The following FRMD4A variants were observed in gnomAD, a reference collection of about 807,000 sequenced individuals.
The protein encoded by FRMD4A is FERM domain containing 4A.
A neutral mutation model predicts 129.1 loss-of-function variants in FRMD4A; 29 were observed. The observed-to-expected ratio is 0.22, with a 90% CI of 0.17 to 0.31. The LOEUF (loss-of-function observed/expected upper bound fraction) is 0.31. FRMD4A is among the 10% of genes least tolerant of loss of function. FRMD4A has a pLI of 1.00. For synonymous variants in FRMD4A, 634 were observed against 571.6 expected (o/e 1.11, Z -1.56); for missense variants, 1,272 against 1,375.8 (o/e 0.92, Z 1.19).
intron 3 of FRMD4A, among the ~76,000 whole-genome samples, chr10:13,825,207 C>T (rs2093683995): frequency 6.6e-6 from 1 of 152,190 alleles, no homozygotes; most frequent in Non-Finnish European, 1.5e-5. Context: ...ACTACACTTG[C>T]ACTTTGAGGC....
At chr10:13,833,392 G>A (rs1488283425) in intron 3 of FRMD4A, among the ~76,000 whole-genome samples, 3 of 152,168 alleles carry the variant, frequency 2.0e-5, no homozygotes, top group Non-Finnish European at 4.4e-5. Flanking sequence ...CCGTCCCCAG[G>A]ATGCAATTAT....
chr10:13,768,933 G>A (rs1420552873), intron 6 of FRMD4A, among the ~76,000 whole-genome samples: 1 of 150,458 alleles, frequency 6.6e-6, no homozygotes, highest in Non-Finnish European at 1.5e-5. Flanking sequence ...GAACTCCACA[G>A]TTTTGCCTTT....
At chr10:13,659,298 G>C in intron 21 of FRMD4A, 25 bp downstream of exon 21, 2 of 1,607,358 alleles carry the variant, frequency 1.2e-6, no homozygotes, top group Non-Finnish European at 1.7e-6. Flanking sequence ...GGCTTGGTCT[G>C]AGCAGGAAGG....
intron 2 of FRMD4A, among the ~76,000 whole-genome samples, chr10:14,127,974 CTTTCCT>C (rs570733956): frequency 0.35 from 20,105 of 57,956 alleles, 3,122 homozygotes; most frequent in Non-Finnish European, 0.37. Flanking sequence ...TTCTTTCTTT[CTTTCCT>C]TCTCTCTCTC....
intron 2 of FRMD4A, among the ~76,000 whole-genome samples, chr10:14,069,638 A>G (rs1004492117): frequency 3.9e-5 from 6 of 152,158 alleles, no homozygotes; most frequent in African/African-American, 1.4e-4. Context: ...TTTAAAATAT[A>G]TATTTTCTGA....
intron 15 of FRMD4A, chr10:13,692,771 T>C (rs10752322): frequency 0.71 from 108,529 of 152,238 alleles, 41,209 homozygotes; most frequent in Non-Finnish European, 0.83. Context: ...TATATAGTAA[T>C]ATAAATTACC....
At chr10:13,977,696 T>G (rs2095546811) in intron 2 of FRMD4A, among the ~76,000 whole-genome samples, 1 of 152,234 alleles carries the variant, frequency 6.6e-6, no homozygotes, top group Non-Finnish European at 1.5e-5. Context: ...ACTGGCAGCC[T>G]TTAGTCTCCT....
intron 2 of FRMD4A, among the ~76,000 whole-genome samples, chr10:14,306,159 T>G (rs1218482): frequency 6.6e-6 from 1 of 152,030 alleles, no homozygotes; most frequent in African/African-American, 2.4e-5. Context: ...AAATTTAAAG[T>G]GGGGAAATCT....
chr10:14,301,522 T>G (rs1043071182), intron 2 of FRMD4A, among the ~76,000 whole-genome samples: 2 of 152,204 alleles, frequency 1.3e-5, no homozygotes, highest in Admixed American at 6.5e-5. Context: ...TTAATAGCAA[T>G]AATTGTTTTC....
At chr10:14,074,130 A>G (rs2131720687) in intron 2 of FRMD4A, among the ~76,000 whole-genome samples, 1 of 152,290 alleles carries the variant, frequency 6.6e-6, no homozygotes, top group South Asian at 2.1e-4. Context: ...TTTTTGTTTC[A>G]TATGTAGTAC....
At chr10:13,678,714 T>C (rs539676067) in intron 15 of FRMD4A, among the ~76,000 whole-genome samples, 115 of 152,368 alleles carry the variant, frequency 7.5e-4, no homozygotes, top group African/African-American at 2.5e-3. Flanking sequence ...CAATTCAGTG[T>C]AACACTTGAG....
chr10:14,293,812 C>G (rs983498007), intron 2 of FRMD4A, among the ~76,000 whole-genome samples: 2 of 152,170 alleles, frequency 1.3e-5, no homozygotes, highest in African/African-American at 2.4e-5. Flanking sequence ...TGTTGTCACA[C>G]TCGTGAAAAT....
At chr10:13,718,922 C>A (rs1480307284) in intron 12 of FRMD4A, among the ~76,000 whole-genome samples, 1 of 152,186 alleles carries the variant, frequency 6.6e-6, no homozygotes, top group Non-Finnish European at 1.5e-5. Flanking sequence ...TTTCCTGGCA[C>A]CTAGCATGTA....
At chr10:14,292,429 A>G (rs1398296511) in intron 2 of FRMD4A, among the ~76,000 whole-genome samples, 1 of 152,244 alleles carries the variant, frequency 6.6e-6, no homozygotes, top group Non-Finnish European at 1.5e-5. Flanking sequence ...ACATCATTCC[A>G]AATGCAAAAA....
At chr10:14,107,427 G>A (rs529729185) in intron 2 of FRMD4A, among the ~76,000 whole-genome samples, 12 of 152,254 alleles carry the variant, frequency 7.9e-5, no homozygotes, top group East Asian at 1.9e-4. Flanking sequence ...GCCATCAACC[G>A]ATGTATATTT....
At chr10:13,931,523 C>A (rs1038979626) in intron 2 of FRMD4A, among the ~76,000 whole-genome samples, 1 of 152,158 alleles carries the variant, frequency 6.6e-6, no homozygotes, top group Non-Finnish European at 1.5e-5. Flanking sequence ...CAGGAAAGAC[C>A]TTCCTGACTC....
chr10:14,223,305 G>A (rs767520892), intron 2 of FRMD4A, among the ~76,000 whole-genome samples: 8 of 152,288 alleles, frequency 5.3e-5, no homozygotes, highest in Admixed American at 1.3e-4. Flanking sequence ...TGTGAGCAAG[G>A]AGAAAATTCT....
chr10:14,076,140 C>T (rs1332286219), intron 2 of FRMD4A, among the ~76,000 whole-genome samples: 1 of 152,142 alleles, frequency 6.6e-6, no homozygotes, highest in Admixed American at 6.6e-5. Context: ...TGTTCATTTG[C>T]CCAGTGTGTG....
At chr10:13,979,950 C>T (rs185007831) in intron 2 of FRMD4A, among the ~76,000 whole-genome samples, 3 of 152,244 alleles carry the variant, frequency 2.0e-5, no homozygotes, top group East Asian at 1.9e-4. Context: ...TTCTCAAGAG[C>T]GGGTCTATGA....
Sources: allele counts gnomAD v4.1 joint callset (sites outside exome capture counted in the v4.1 genomes callset), GRCh38; gene constraint gnomAD v4.1.1; transcripts MANE v1.5; gene names NCBI Gene and HGNC (gene_info 2026-07-23, HGNC 2026-07-21).